The following ERBB4 variants were observed in gnomAD, a reference collection of about 807,000 sequenced individuals.
ERBB4 encodes the protein erb-b2 receptor tyrosine kinase 4.
A neutral mutation model predicts 158.0 loss-of-function variants in ERBB4; 42 were observed. The ratio of observed to expected loss-of-function variants is 0.27; its 90% confidence interval spans 0.21 to 0.34. The LOEUF is 0.34. Among genes scored for constraint, ERBB4 ranks in the 10% least tolerant of loss-of-function variants. The probability of loss-of-function intolerance (pLI) is 1.00; values close to 1 mark genes in which losing one functional copy is unlikely to be tolerated. For missense variants in ERBB4, 1,333 were observed against 1,624.1 expected (o/e 0.82, Z 3.08); for synonymous variants, 583 against 558.7 (o/e 1.04, Z -0.61).
intron 12 of ERBB4, 21 bp from the exon 13 acceptor site, chr2:211,679,205 G>C (rs113150668): frequency 1.2e-6 from 2 of 1,612,502 alleles, no homozygotes; most frequent in African/African-American, 2.7e-5. Context: ...CCAAAATCAA[G>C]GGGAAATAAA....
At chr2:212,338,802 G>A (rs1018423271) in intron 1 of ERBB4, among the ~76,000 whole-genome samples, 4 of 152,026 alleles carry the variant, frequency 2.6e-5, no homozygotes, top group African/African-American at 9.7e-5. Flanking sequence ...CATTTAAATG[G>A]ATGCTTCAAA....
chr2:212,030,913 G>A (rs79310707), intron 2 of ERBB4, among the ~76,000 whole-genome samples: 11,127 of 151,888 alleles, frequency 0.073, 404 homozygotes, highest in South Asian at 0.11. Context: ...TGGGGGAGGG[G>A]TGCAAATGAG....
At chr2:211,716,697 CAACAA>C (rs1230963191) in intron 7 of ERBB4, among the ~76,000 whole-genome samples, 3 of 126,042 alleles carry the variant, frequency 2.4e-5, no homozygotes, top group African/African-American at 1.0e-4. Flanking sequence ...ACAACAACAA[CAACAA>C]AACAAAACAA....
chr2:212,401,674 G>T (rs1026801426), intron 1 of ERBB4, among the ~76,000 whole-genome samples: 2 of 151,986 alleles, frequency 1.3e-5, no homozygotes, highest in Non-Finnish European at 2.9e-5. Flanking sequence ...TATTAAACAT[G>T]ATGATAAAAT....
rs961559715 is a variant in ERBB4, at chr2:211,956,845, T to C, written c.235-9229A>G. On this transcript the variant is annotated intron_variant, in intron 2 of 27. Coordinates refer to ENST00000342788, the MANE Select transcript of ERBB4 (RefSeq NM_005235.3). ...TAAATTTATTCATGTATATATTTGT[T>C]TGTTTATGAGACAGATTCTTGCTCT... Among the ~76,000 whole-genome samples, 7 of 152,104 alleles carry C rather than the reference T, an allele frequency of 4.6e-5. 1 individual carries two copies. Among genetic ancestry groups the C allele is most frequent in the African/African-American group, 1.7e-4 (7 of 41,428 alleles).
At chr2:211,854,251 A>G (rs16847087) in intron 3 of ERBB4, among the ~76,000 whole-genome samples, 32,970 of 152,034 alleles carry the variant, frequency 0.22, 3,711 homozygotes, top group South Asian at 0.33. Context: ...TCATTATTTG[A>G]GCAGGAAAAA....
At chr2:211,886,841 T>G (rs2078813913) in intron 3 of ERBB4, among the ~76,000 whole-genome samples, 1 of 152,222 alleles carries the variant, frequency 6.6e-6, no homozygotes, top group Non-Finnish European at 1.5e-5. Flanking sequence ...TTAAGCCTGC[T>G]CAACTCCTGC....
At chr2:211,914,768 A>G (rs944349302) in intron 3 of ERBB4, among the ~76,000 whole-genome samples, 1 of 152,204 alleles carries the variant, frequency 6.6e-6, no homozygotes, top group African/African-American at 2.4e-5. Flanking sequence ...GATAATTTGA[A>G]AGATAAATTT....
At chr2:212,323,343 T>TA (rs1365635813) in intron 1 of ERBB4, among the ~76,000 whole-genome samples, 11 of 150,668 alleles carry the variant, frequency 7.3e-5, no homozygotes, top group African/African-American at 2.7e-4. Context: ...TAATTCTGAT[T>TA]TTTATCTAAG....
At chr2:211,452,726 T>C (rs1281829538) in intron 20 of ERBB4, among the ~76,000 whole-genome samples, 1 of 152,186 alleles carries the variant, frequency 6.6e-6, no homozygotes, top group Non-Finnish European at 1.5e-5. Context: ...TTCAGGTCTA[T>C]ACATTTCATA....
chr2:211,923,929 T>C (rs1462070870), intron 3 of ERBB4, among the ~76,000 whole-genome samples: 4 of 152,076 alleles, frequency 2.6e-5, no homozygotes, highest in Non-Finnish European at 5.9e-5. Flanking sequence ...ACCATGTTGA[T>C]CAGGCTGGTC....
At chr2:212,412,545 A>G (rs1167975073) in intron 1 of ERBB4, among the ~76,000 whole-genome samples, 3 of 152,194 alleles carry the variant, frequency 2.0e-5, no homozygotes, top group Non-Finnish European at 4.4e-5. Flanking sequence ...TGCCAGTGCT[A>G]TGCTTATACA....
intron 25 of ERBB4, among the ~76,000 whole-genome samples, chr2:211,420,053 T>TAA (rs1367963778): frequency 5.9e-5 from 9 of 152,046 alleles, no homozygotes; most frequent in Admixed American, 1.3e-4. Context: ...ACTTCTTGAC[T>TAA]AATATATCAT....
intron 1 of ERBB4, among the ~76,000 whole-genome samples, chr2:212,243,819 G>T (rs763357429): frequency 6.6e-6 from 1 of 151,856 alleles, no homozygotes; most frequent in Non-Finnish European, 1.5e-5. Context: ...ACAAGAAAAA[G>T]AAGAAGAAAA....
chr2:211,766,384 T>C (rs1352128655), intron 4 of ERBB4, among the ~76,000 whole-genome samples: 1 of 151,974 alleles, frequency 6.6e-6, no homozygotes, highest in Non-Finnish European at 1.5e-5. Flanking sequence ...CCCTTCCTCC[T>C]CTCTAAACTT....
chr2:211,878,655 T>TTTTTC (rs1280813960), intron 3 of ERBB4, among the ~76,000 whole-genome samples: 1 of 105,076 alleles, frequency 9.5e-6, no homozygotes, highest in African/African-American at 3.5e-5. Context: ...AAATTAAGTT[T>TTTTTC]TGTTTTTTTT....
rs576868326 is a variant in ERBB4 at position 211,671,271 on chromosome 2, T to C, written c.1716+1893A>G. On this transcript the variant is annotated intron_variant, in intron 14 of 27. Coordinates refer to ENST00000342788, the MANE Select transcript of ERBB4 (RefSeq NM_005235.3). ...ATTTTTGAGAAATAATTTTGAATAT[T>C]AATGTTTGAATTTTCTAATATTTAA... Among the ~76,000 whole-genome samples the C allele has an allele frequency of 3.9e-5, 6 of 152,270 alleles. No homozygotes were observed. In the East Asian group the frequency reaches 1.2e-3, roughly 29 times the overall value.
chr2:212,297,806 C>A (rs193114637), intron 1 of ERBB4, among the ~76,000 whole-genome samples: 30 of 151,476 alleles, frequency 2.0e-4, no homozygotes, highest in Admixed American at 1.2e-3. Flanking sequence ...ATCAAATGAC[C>A]AATAGCAATG....
At chr2:212,481,198 ATG>A (rs2106159923) in intron 1 of ERBB4, among the ~76,000 whole-genome samples, 1 of 152,132 alleles carries the variant, frequency 6.6e-6, no homozygotes, top group Admixed American at 6.5e-5. Flanking sequence ...TATGTTATAT[ATG>A]TAAGTTATAT....
Sources: allele counts gnomAD v4.1 joint callset (sites outside exome capture counted in the v4.1 genomes callset), GRCh38; gene constraint gnomAD v4.1.1; transcripts MANE v1.5; gene names NCBI Gene and HGNC (gene_info 2026-07-23, HGNC 2026-07-21).